The following KCND2 variants were observed in gnomAD, a reference collection of about 807,000 sequenced individuals.
KCND2 encodes potassium voltage-gated channel subfamily D member 2.
KCND2 carries 16 observed loss-of-function variants against 54.4 expected under a neutral mutation model. The observed-to-expected ratio is 0.29, with a 90% confidence interval of 0.20 to 0.45. The LOEUF (loss-of-function observed/expected upper bound fraction) is 0.45, where lower values mean the gene tolerates loss of function less well. Ranked by LOEUF, KCND2 falls within the 20% of genes least tolerant of loss-of-function variation. KCND2 has a pLI of 1.00. For missense variants in KCND2, 486 were observed against 824.2 expected (o/e 0.59, Z 5.02); for synonymous variants, 317 against 310.7 (o/e 1.02, Z -0.21).
intron 1 of KCND2, among the ~76,000 whole-genome samples, chr7:120,358,571 T>G (rs1351003860): frequency 6.6e-6 from 1 of 152,120 alleles, no homozygotes; most frequent in African/African-American, 2.4e-5. Context: ...TTAATCAGCT[T>G]AATATCAGCA....
chr7:120,483,135 GC>G (rs1300429374), intron 1 of KCND2, among the ~76,000 whole-genome samples: 8 of 152,100 alleles, frequency 5.3e-5, no homozygotes, highest in African/African-American at 1.9e-4. Context: ...AAGGTTTTAT[GC>G]TTTATCGATT....
At chr7:120,289,301 G>A (rs1170867980) in intron 1 of KCND2, among the ~76,000 whole-genome samples, 4 of 151,846 alleles carry the variant, frequency 2.6e-5, no homozygotes, top group Admixed American at 6.6e-5. Flanking sequence ...ATTGGCAAGA[G>A]AGCTAAATAA....
At chr7:120,653,425 A>C (rs1435127226) in intron 1 of KCND2, among the ~76,000 whole-genome samples, 1 of 152,148 alleles carries the variant, frequency 6.6e-6, no homozygotes, top group Non-Finnish European at 1.5e-5. Context: ...AAATCTTAGC[A>C]ACTCTGGGAC....
intron 1 of KCND2, among the ~76,000 whole-genome samples, chr7:120,510,786 T>A (rs549579506): frequency 6.6e-6 from 1 of 152,010 alleles, no homozygotes; most frequent in East Asian, 1.9e-4. Context: ...CCTAATCAGT[T>A]TTTTCTACTT....
chr7:120,549,992 T>C (rs1257755094), intron 1 of KCND2, among the ~76,000 whole-genome samples: 1 of 151,982 alleles, frequency 6.6e-6, no homozygotes, highest in African/African-American at 2.4e-5. Flanking sequence ...TTGGGAAGAA[T>C]AGATCAAAGC....
intron 1 of KCND2, among the ~76,000 whole-genome samples, chr7:120,709,939 C>T (rs1792517490): frequency 6.6e-6 from 1 of 152,120 alleles, no homozygotes; most frequent in Non-Finnish European, 1.5e-5. Context: ...TCCATTGTCC[C>T]ATTGCATTTC....
rs151286239 is a variant in KCND2 at position 120,578,066 on chromosome 7, C to G, written c.1116-154837C>G. Among the ~76,000 whole-genome samples the G allele has an allele frequency of 1.1e-3, 150 of 140,984 alleles. 2 individuals are homozygous for G. The Middle Eastern group carries it at 0.014, about 13-fold the overall frequency. 92.5% of individuals were successfully genotyped at this position (140,984 alleles called of 152,430 possible). On this transcript the variant is annotated intron_variant, in intron 1 of 5. Transcript: ENST00000331113. ...AGGAGAAGAAGAAGAAGAAGAAGAA[C>G]AAGAAGGAGAAGGAGAAGGAGAAGG...
intron 1 of KCND2, among the ~76,000 whole-genome samples, chr7:120,505,852 G>C (rs1803007668): frequency 6.6e-6 from 1 of 151,740 alleles, no homozygotes; most frequent in Admixed American, 6.6e-5. Flanking sequence ...GTGGCTGGGT[G>C]CAAGTTGTTC....
chr7:120,310,890 T>A (rs1241288542), intron 1 of KCND2, among the ~76,000 whole-genome samples: 1 of 148,206 alleles, frequency 6.7e-6, no homozygotes, highest in Admixed American at 6.8e-5. Flanking sequence ...GAGCTGAGAT[T>A]GCCCCACTGC....
At chr7:120,322,488 T>G (rs1460638833) in intron 1 of KCND2, among the ~76,000 whole-genome samples, 1 of 152,166 alleles carries the variant, frequency 6.6e-6, no homozygotes, top group Non-Finnish European at 1.5e-5. Context: ...TTATGGTGTT[T>G]TAAGGAATAC....
chr7:120,378,154 T>C (rs1266770122), intron 1 of KCND2, among the ~76,000 whole-genome samples: 1 of 151,992 alleles, frequency 6.6e-6, no homozygotes, highest in Non-Finnish European at 1.5e-5. Flanking sequence ...TGTATTTGTG[T>C]GTGTGTGTAA....
intron 1 of KCND2, among the ~76,000 whole-genome samples, chr7:120,486,582 C>T (rs1802696923): frequency 1.3e-5 from 2 of 152,018 alleles, no homozygotes; most frequent in African/African-American, 4.8e-5. Flanking sequence ...GGACTCCAGA[C>T]CCAGGTAGAT....
intron 1 of KCND2, among the ~76,000 whole-genome samples, chr7:120,545,331 G>A (rs73439845): frequency 0.027 from 4,059 of 151,968 alleles, 160 homozygotes; most frequent in African/African-American, 0.091. Context: ...TTGATGCTAA[G>A]CCAGGTCCCA....
intron 1 of KCND2, among the ~76,000 whole-genome samples, chr7:120,290,696 C>T (rs1371157732): frequency 6.6e-6 from 1 of 151,900 alleles, no homozygotes; most frequent in Non-Finnish European, 1.5e-5. Context: ...GCATATTATT[C>T]AATATCCTGT....
chr7:120,570,655 A>G, intron 1 of KCND2, among the ~76,000 whole-genome samples: 1 of 152,130 alleles, frequency 6.6e-6, no homozygotes, highest in East Asian at 1.9e-4. Context: ...GGTATAAATA[A>G]CATATTACCT....
At chr7:120,677,666 CCTT>C (rs1470762214) in intron 1 of KCND2, among the ~76,000 whole-genome samples, 1 of 151,760 alleles carries the variant, frequency 6.6e-6, no homozygotes, top group African/African-American at 2.4e-5. Context: ...AGGATCCCCT[CCTT>C]CTGAAGACAT....
intron 1 of KCND2, among the ~76,000 whole-genome samples, chr7:120,670,888 C>G (rs536838224): frequency 2.0e-5 from 3 of 150,408 alleles, no homozygotes; most frequent in African/African-American, 7.3e-5. Context: ...TGCACTCCAG[C>G]CTGGGCGACA....
chr7:120,442,089 A>G (rs1801953276), intron 1 of KCND2, among the ~76,000 whole-genome samples: 1 of 152,154 alleles, frequency 6.6e-6, no homozygotes, highest in Admixed American at 6.6e-5. Context: ...TGCAGAGTCT[A>G]CAGAGGAAAT....
chr7:120,470,809 T>A (rs538464518), intron 1 of KCND2, among the ~76,000 whole-genome samples: 1 of 151,222 alleles, frequency 6.6e-6, no homozygotes, highest in South Asian at 2.1e-4. Flanking sequence ...GTATTTCATA[T>A]TACATGACAT....
Sources: gnomAD v4.1 joint callset for allele counts (sites outside exome capture counted in the v4.1 genomes callset) on GRCh38, gnomAD v4.1.1 for gene constraint, MANE v1.5 for transcripts, NCBI Gene and HGNC (gene_info 2026-07-23, HGNC 2026-07-21) for gene names.